ULK4: variants seen among roughly 807,000 people sequenced by gnomAD.
ULK4 encodes the protein inactive serine/threonine-protein kinase ULK4.
Under a neutral mutation model 160.6 loss-of-function variants are expected in ULK4, and 133 were observed. That is an observed-to-expected ratio of 0.83 (90% CI 0.72 to 0.96). The LOEUF is 0.96. ULK4 is among the 40% of genes least tolerant of loss of function. The pLI, the probability that ULK4 is intolerant of heterozygous loss-of-function variation, is 0.00. For missense variants in ULK4, 1,580 were observed against 1,499.5 expected, an observed-to-expected ratio of 1.05 and a Z score of -0.89; for synonymous variants, 534 against 539.8, an observed-to-expected ratio of 0.99 and a Z score of 0.15.
At chr3:41,739,820 G>A (rs1182891038) in intron 22 of ULK4, among the ~76,000 whole-genome samples, 1 of 151,816 alleles carries the variant, frequency 6.6e-6, no homozygotes, top group Admixed American at 6.6e-5. Context: ...CTCTGCAAGG[G>A]CTCAGCAAAA....
intron 35 of ULK4, among the ~76,000 whole-genome samples, chr3:41,382,182 T>G (rs1410778585): frequency 2.6e-5 from 4 of 152,172 alleles, no homozygotes; most frequent in African/African-American, 9.7e-5. Flanking sequence ...TACCACATAG[T>G]TTACTTAATA....
At chr3:41,517,572 T>A (rs2085791654) in intron 32 of ULK4, among the ~76,000 whole-genome samples, 2 of 152,234 alleles carry the variant, frequency 1.3e-5, no homozygotes, top group Non-Finnish European at 2.9e-5. Flanking sequence ...CTGTTCTTCA[T>A]AAATTACTGT....
At chr3:41,828,943 C>CA (rs1337277550) in intron 18 of ULK4, among the ~76,000 whole-genome samples, 6 of 151,240 alleles carry the variant, frequency 4.0e-5, no homozygotes, top group Admixed American at 1.3e-4. Flanking sequence ...GGTACCAAAA[C>CA]AGAGATATAG....
At chr3:41,928,516 T>C (rs541308482) in intron 5 of ULK4, among the ~76,000 whole-genome samples, 1 of 108,672 alleles carries the variant, frequency 9.2e-6, no homozygotes, top group African/African-American at 3.1e-5. Context: ...ATGAAGGAGA[T>C]ACAGACACGA....
At chr3:41,793,946 T>C (rs1476519884) in intron 20 of ULK4, among the ~76,000 whole-genome samples, 2 of 152,186 alleles carry the variant, frequency 1.3e-5, no homozygotes, top group African/African-American at 4.8e-5. Context: ...CTGCAAGGAC[T>C]AGGGCAGTGG....
chr3:41,656,409 A>C (rs2034937751), intron 30 of ULK4, among the ~76,000 whole-genome samples: 1 of 152,202 alleles, frequency 6.6e-6, no homozygotes, highest in Non-Finnish European at 1.5e-5. Context: ...CATCATCAAA[A>C]GACATGGCAT....
At position 41,831,531 on chromosome 3, in the gene ULK4, A is replaced by ATATATATATATATTTTTTT; in HGVS notation, c.1764+4332_1764+4333insAAAAAAATATATATATATA. Among the ~76,000 whole-genome samples the ATATATATATATATTTTTTT allele has an allele frequency of 1.2e-4, 16 of 138,122 alleles. No individual in the cohort carries two copies. The East Asian group carries it at 1.5e-3, about 13-fold the overall frequency. 90.6% of individuals were successfully genotyped at this position (138,122 alleles called of 152,430 possible). On this transcript the variant is annotated intron_variant, in intron 18 of 36. Coordinates refer to ENST00000301831, the MANE Select transcript of ULK4 (RefSeq NM_017886.4). The stretch of plus-strand genomic sequence containing the variant: ...TTATTGTTATTTTATATATATATAT[A>ATATATATATATATTTTTTT]TTTTTTTTTCTTTCTTAAACTTTAG...
chr3:41,549,798 A>G (rs1273822260), intron 32 of ULK4, among the ~76,000 whole-genome samples: 1 of 152,136 alleles, frequency 6.6e-6, no homozygotes, highest in African/African-American at 2.4e-5. Context: ...AGTAAGAAAA[A>G]AAAGTGTCAA....
intron 8 of ULK4, among the ~76,000 whole-genome samples, chr3:41,914,343 A>G (rs1010394314): frequency 2.6e-5 from 4 of 152,246 alleles, no homozygotes; most frequent in Non-Finnish European, 5.9e-5. Flanking sequence ...GGTTCACTAA[A>G]GGAGAAATAA....
At chr3:41,531,173 T>C (rs1459386269) in intron 32 of ULK4, among the ~76,000 whole-genome samples, 1 of 148,480 alleles carries the variant, frequency 6.7e-6, no homozygotes, top group Non-Finnish European at 1.5e-5. Flanking sequence ...CCGGGCGCGG[T>C]GGCTCAGGCC....
intron 32 of ULK4, among the ~76,000 whole-genome samples, chr3:41,490,683 T>C (rs761189998): frequency 4.6e-5 from 7 of 152,206 alleles, no homozygotes; most frequent in Non-Finnish European, 1.0e-4. Flanking sequence ...ATTGAATATA[T>C]ATTTGAACCG....
chr3:41,464,693 T>G (rs1366160252), intron 32 of ULK4, among the ~76,000 whole-genome samples: 2 of 151,906 alleles, frequency 1.3e-5, no homozygotes, highest in Non-Finnish European at 2.9e-5. Flanking sequence ...AGACAACAGG[T>G]TTTTCATTTG....
chr3:41,716,143 G>A (rs1363712066), intron 23 of ULK4, among the ~76,000 whole-genome samples: 1 of 151,018 alleles, frequency 6.6e-6, no homozygotes, highest in Non-Finnish European at 1.5e-5. Context: ...AATCTGGGAG[G>A]TGAAGGTTGC....
intron 21 of ULK4, among the ~76,000 whole-genome samples, chr3:41,757,938 A>AT (rs1372059911): frequency 6.6e-6 from 1 of 152,082 alleles, no homozygotes; most frequent in African/African-American, 2.4e-5. Context: ...AAATGCTCTG[A>AT]TTTTACCTGC....
At chr3:41,412,463 C>A (rs1383102109) in intron 34 of ULK4, among the ~76,000 whole-genome samples, 1 of 142,704 alleles carries the variant, frequency 7.0e-6, no homozygotes, top group African/African-American at 2.6e-5. Flanking sequence ...ATGTAAAGAA[C>A]ATGGAATAGC....
intron 32 of ULK4, among the ~76,000 whole-genome samples, chr3:41,552,246 G>A (rs1256869556): frequency 6.6e-6 from 1 of 151,832 alleles, no homozygotes; most frequent in South Asian, 2.1e-4. Context: ...ACATAAAATT[G>A]GAAATCCTAG....
intron 34 of ULK4, among the ~76,000 whole-genome samples, chr3:41,444,361 TTCTCTCTCTCTCTC>T (rs56744200): frequency 2.0e-5 from 3 of 146,582 alleles, no homozygotes; most frequent in Non-Finnish European, 3.0e-5. Context: ...TTTAAGTGAC[TTCTCTCTCTCTCTC>T]TCTCTCTCTC....
At chr3:41,582,807 C>T (rs755973164) in intron 31 of ULK4, among the ~76,000 whole-genome samples, 2 of 152,222 alleles carry the variant, frequency 1.3e-5, no homozygotes, top group Non-Finnish European at 2.9e-5. Context: ...AAGGTTAGTA[C>T]TATTACTGAT....
intron 35 of ULK4, among the ~76,000 whole-genome samples, chr3:41,353,832 A>C (rs1217466526): frequency 6.6e-6 from 1 of 152,008 alleles, no homozygotes; most frequent in Admixed American, 6.6e-5. Flanking sequence ...AGTTAAAATA[A>C]TGCTAGATGA....
Sources: allele counts gnomAD v4.1 joint callset (sites outside exome capture counted in the v4.1 genomes callset), GRCh38; gene constraint gnomAD v4.1.1; transcripts MANE v1.5; gene names NCBI Gene and HGNC (gene_info 2026-07-23, HGNC 2026-07-21).